The following HIVEP3 variants were observed in gnomAD, a reference collection of about 807,000 sequenced individuals.
HIVEP3 encodes the protein HIVEP zinc finger 3, also known as transcription factor HIVEP3.
HIVEP3 carries 49 observed loss-of-function variants against 152.8 expected under a neutral mutation model. The ratio of observed to expected loss-of-function variants is 0.32; its 90% CI spans 0.26 to 0.41. The LOEUF (loss-of-function observed/expected upper bound fraction) is 0.41, where lower values mean the gene tolerates loss of function less well. Among genes scored for constraint, HIVEP3 ranks in the 10% least tolerant of loss-of-function variants. The pLI is 1.00. For synonymous variants in HIVEP3, 1,269 were observed against 1,289.0 expected (o/e 0.98, Z 0.33); for missense variants, 2,790 against 3,103.3 (o/e 0.90, Z 2.40).
chr1:41,835,196 T>C (rs1311623823), intron 1 of HIVEP3, among the ~76,000 whole-genome samples: 1 of 152,226 alleles, frequency 6.6e-6, no homozygotes, highest in South Asian at 2.1e-4. Context: ...CTTAGCCTAC[T>C]AGGACTGTCA....
Position 41,512,980 on chromosome 1 carries a change from G to A in HIVEP3, c.6241C>T (p.Pro2081Ser), listed in dbSNP as rs758190740. Reference sequence around the variant, plus strand: ...CACTTCCCTGGCGGCGCTGACCGTGGTGGTGACTCGGCCTGACCTGGAGAC... The same window carrying A: ...CACTTCCCTGGCGGCGCTGACCGTGATGGTGACTCGGCCTGACCTGGAGAC... ...RWSPGQAESP[P>S]RSAPPGKWAL... The change falls in exon 8 of 9, where the codon CCA (proline) becomes TCA (serine). Residue 2081 changes from proline to serine, a missense_variant. By Grantham distance (74) the Pro-to-Ser change is moderately conservative. Transcript: ENST00000372583. 2.5e-6 allele frequency: 4 copies of A among 1,613,106 alleles called. No homozygotes were observed. In the African/African-American group the frequency reaches 4.0e-5, roughly 16 times the overall value.
At chr1:41,685,690 A>G (rs74071924) in intron 2 of HIVEP3, among the ~76,000 whole-genome samples, 9,159 of 152,266 alleles carry the variant, frequency 0.06, 566 homozygotes, top group African/African-American at 0.16. Context: ...TTTGGAACAG[A>G]GTCAGGGTTT....
intron 1 of HIVEP3, among the ~76,000 whole-genome samples, chr1:41,701,627 C>G (rs960023535): frequency 6.6e-6 from 1 of 152,190 alleles, no homozygotes; most frequent in African/African-American, 2.4e-5. Flanking sequence ...AAGGACCTCT[C>G]TTTGTATGAA....
chr1:41,554,429 G>A (rs888737177), intron 5 of HIVEP3, among the ~76,000 whole-genome samples: 19 of 152,114 alleles, frequency 1.2e-4, no homozygotes, highest in Non-Finnish European at 2.5e-4. Context: ...CGATGGGTTC[G>A]AACATTCTCC....
chr1:41,581,934 C>T lies in HIVEP3; in HGVS notation c.2864G>A (p.Gly955Glu). 6.2e-7 allele frequency: 1 copy of T among 1,614,116 alleles called. No individual in the cohort carries two copies. The highest frequency in any genetic ancestry group is 8.5e-7 in the Non-Finnish European group (1 of 1,180,014). Residue 955 changes from glycine (G) to glutamate (E), a missense_variant, in exon 4 of 9, where the codon GGG becomes GAG. Gly to Glu is a moderately conservative substitution (Grantham distance 98, BLOSUM62 -2). Transcript: ENST00000372583. This position sits in a 1 kb window ranked among gnomAD's most constrained non-coding sequence, Gnocchi z 4.5. ...TGAGGGACTGGGGGCCTCGGCTTTC[C>T]CATGGTCATCCCTCTCAAACGAGGC... is the stretch of plus-strand genomic sequence containing the variant. ...RSASFERDDH[G>E]KAEAPSPSSD...
At chr1:41,555,521 C>T (rs1409629596) in intron 5 of HIVEP3, among the ~76,000 whole-genome samples, 1 of 152,220 alleles carries the variant, frequency 6.6e-6, no homozygotes, top group African/African-American at 2.4e-5. Context: ...CAACCAGTCC[C>T]AATGAGATGA....
intron 1 of HIVEP3, among the ~76,000 whole-genome samples, chr1:41,704,747 T>C (rs1439458052): frequency 1.3e-5 from 2 of 152,230 alleles, no homozygotes; most frequent in Non-Finnish European, 2.9e-5. Context: ...TATGAGCACA[T>C]GTCAATATCC....
chr1:41,886,180 G>C (rs559679493), intron 1 of HIVEP3, among the ~76,000 whole-genome samples: 1 of 152,290 alleles, frequency 6.6e-6, no homozygotes, highest in African/African-American at 2.4e-5. Context: ...TGGTGTTACA[G>C]TAGCTATAGG....
chr1:41,666,613 T>C (rs1170411939), intron 2 of HIVEP3, among the ~76,000 whole-genome samples: 1 of 152,206 alleles, frequency 6.6e-6, no homozygotes, highest in Non-Finnish European at 1.5e-5. Flanking sequence ...CTCATCTTCA[T>C]GGATGTGGGC....
intron 1 of HIVEP3, among the ~76,000 whole-genome samples, chr1:41,825,220 C>T (rs1222924259): frequency 6.6e-6 from 1 of 152,076 alleles, no homozygotes; most frequent in Non-Finnish European, 1.5e-5. Context: ...TTACAAAGTA[C>T]ATTCTCAAGG....
chr1:42,029,494 A>T (rs558407629), intron 1 of HIVEP3, among the ~76,000 whole-genome samples: 1 of 152,350 alleles, frequency 6.6e-6, no homozygotes, highest in South Asian at 2.1e-4. Context: ...TTATTAACAG[A>T]CTAGGAGAGG....
Position 41,510,876 on chromosome 1 carries a change from A to C in HIVEP3, c.6796T>G (p.Ser2266Ala). 6.2e-7 allele frequency: 1 copy of C among 1,613,228 alleles called. No homozygotes were observed. Among genetic ancestry groups the C allele is most frequent in the Non-Finnish European group, 8.5e-7 (1 of 1,179,818 alleles). ...TAGTCCCCGCCCTCCAGCTCTGAGG[A>C]GAGTGTGAATTTGGAGACCTTAGCC... ...PVAKVSKFTL[S>A]SELEGGDYPK... Residue 2266 changes from serine (S) to alanine (A), a missense_variant, in exon 9 of 9, where the codon TCC becomes GCC. Physicochemically the swap from Ser to Ala is moderately conservative, Grantham distance 99. Around this residue, in one of 9 missense-constraint regions of HIVEP3, gnomAD observed 816 missense variants for 806.5 expected, o/e 1.01. Coordinates refer to ENST00000372583, the MANE Select transcript of HIVEP3 (RefSeq NM_024503.5).
chr1:41,901,240 G>A (rs1644616953), intron 1 of HIVEP3, among the ~76,000 whole-genome samples: 1 of 152,066 alleles, frequency 6.6e-6, no homozygotes, highest in Admixed American at 6.5e-5. Flanking sequence ...GGCTGAGGAA[G>A]GGGCTGGGGT....
chr1:41,959,618 A>G (rs1645158710), intron 1 of HIVEP3, among the ~76,000 whole-genome samples: 1 of 152,234 alleles, frequency 6.6e-6, no homozygotes, highest in Admixed American at 6.5e-5. Context: ...TTCGGGAAGT[A>G]GCATATACTT....
intron 6 of HIVEP3, among the ~76,000 whole-genome samples, chr1:41,522,540 G>A (rs974923573): frequency 7.9e-5 from 12 of 152,206 alleles, no homozygotes; most frequent in Non-Finnish European, 1.8e-4. Flanking sequence ...CTTACCTCGG[G>A]GGATGCTCTA....
intron 2 of HIVEP3, among the ~76,000 whole-genome samples, chr1:41,696,397 G>A (rs1558187732): frequency 1.3e-5 from 2 of 152,268 alleles, no homozygotes; most frequent in African/African-American, 4.8e-5. Flanking sequence ...TGTTCTCTAA[G>A]AGCACAGTGC....
intron 3 of HIVEP3, among the ~76,000 whole-genome samples, chr1:41,605,096 C>T (rs1644799260): frequency 8.4e-6 from 1 of 118,734 alleles, no homozygotes; most frequent in African/African-American, 3.1e-5. Context: ...CAGAATGAGA[C>T]TCTGTCTCCA....
chr1:41,995,623 C>A (rs983503261), intron 1 of HIVEP3, among the ~76,000 whole-genome samples: 1 of 152,050 alleles, frequency 6.6e-6, no homozygotes, highest in Admixed American at 6.6e-5. Context: ...TTGCATAAAA[C>A]ATCAAAAATG....
intron 1 of HIVEP3, among the ~76,000 whole-genome samples, chr1:41,715,126 T>G (rs1646571960): frequency 6.6e-6 from 1 of 152,176 alleles, no homozygotes; most frequent in Non-Finnish European, 1.5e-5. Flanking sequence ...TTCCTTCAGC[T>G]GCGGAACCCC....
Sources: allele counts gnomAD v4.1 joint callset (sites outside exome capture counted in the v4.1 genomes callset), GRCh38; gene constraint gnomAD v4.1.1; regional missense constraint gnomAD v4.1.1; non-coding constraint Gnocchi (gnomAD v3.1); transcripts MANE v1.5; gene names NCBI Gene and HGNC (gene_info 2026-07-23, HGNC 2026-07-21).